The following LRR1 variants were observed in gnomAD, a reference collection of about 807,000 sequenced individuals.
LRR1 encodes leucine rich repeat protein 1.
In LRR1, 29 loss-of-function variants were observed where a neutral mutation model predicts 31.6. That is an observed-to-expected ratio of 0.92 (90% CI 0.68 to 1.25). The LOEUF (loss-of-function observed/expected upper bound fraction) is 1.25, where lower values mean the gene tolerates loss of function less well. LRR1 is among the 50% of genes most tolerant of loss of function. LRR1 has a pLI of 0.00. For synonymous variants in LRR1, 179 were observed against 181.4 expected (o/e 0.99, Z 0.10); for missense variants, 485 against 487.2 (o/e 1.00, Z 0.04).
At chr14:49,604,774 AC>A (rs1344533465) in intron 2 of LRR1, among the ~76,000 whole-genome samples, 2 of 152,090 alleles carry the variant, frequency 1.3e-5, no homozygotes, top group African/African-American at 4.8e-5. Context: ...CCTTTCTCAA[AC>A]AAAAAAAATT....
intron 1 of LRR1, chr14:49,600,175 T>A: frequency 2.7e-6 from 4 of 1,477,104 alleles, no homozygotes; most frequent in Admixed American, 1.7e-5. Flanking sequence ...CTCCTAGGAC[T>A]CTATAACACC....
At chr14:49,614,118 A>G in intron 3 of LRR1, 138 bp from the exon 4 acceptor site, 1 of 838,762 alleles carries the variant, frequency 1.2e-6, no homozygotes. Flanking sequence ...AATATGTCAT[A>G]TATTGTTTTT....
chr14:49,613,890 T>G (rs1327623467), intron 3 of LRR1, among the ~76,000 whole-genome samples: 1 of 152,182 alleles, frequency 6.6e-6, no homozygotes, highest in Non-Finnish European at 1.5e-5. Context: ...TTAAGCAAGG[T>G]AAGGTTAGCC....
chr14:49,614,535 G>T lies in LRR1; in HGVS notation c.*39G>T, dbSNP rs368808993. The T allele has an allele frequency of 2.5e-6, 4 of 1,611,888 alleles. No homozygotes were observed. The Admixed American group carries it at 5.0e-5, about 20-fold the overall frequency. On this transcript the variant is annotated 3_prime_UTR_variant, in exon 4 of 4. Transcript: ENST00000298288. The stretch of plus-strand genomic sequence containing the variant: ...AAAAAGAAATTTCAATAACAGATCA[G>T]TTTGGGGTGCATGTATGATTTTGCA...
rs758331514 is a variant in LRR1, at chr14:49,602,429, T to TC, written c.244dup (p.Arg82ProfsTer13). 2 of 1,613,858 alleles carry TC rather than the reference T, an allele frequency of 1.2e-6. No homozygotes were observed. Among genetic ancestry groups the TC allele is most frequent in the African/African-American group, 2.7e-5 (2 of 74,882 alleles). On this transcript the variant is annotated frameshift_variant, in exon 2 of 4. Transcript: ENST00000298288. LOFTEE classifies it high-confidence loss of function. Reference sequence around the variant, plus strand: ...TTGTAGATGAGGGGAAAGCCACTGTTCGGTTAAAGGAGCCTCCTGTGGATA... The same window carrying TC: ...TTGTAGATGAGGGGAAAGCCACTGTTCCGGTTAAAGGAGCCTCCTGTGGATA...
intron 3 of LRR1, among the ~76,000 whole-genome samples, chr14:49,609,226 T>G (rs1386099820): frequency 2.5e-5 from 3 of 117,878 alleles, no homozygotes; most frequent in Non-Finnish European, 1.8e-5. Flanking sequence ...CCTTTTTTTT[T>G]TTTTTTTTTT....
chr14:49,613,633 C>T (rs1223208405), intron 3 of LRR1, among the ~76,000 whole-genome samples: 2 of 151,646 alleles, frequency 1.3e-5, no homozygotes, highest in African/African-American at 4.8e-5. Flanking sequence ...ATGGTGAAAC[C>T]TCGTCTCTAC....
intron 1 of LRR1, chr14:49,600,023 C>T: frequency 6.2e-7 from 1 of 1,609,202 alleles, no homozygotes; most frequent in Non-Finnish European, 8.5e-7. Flanking sequence ...CGCTGATGCT[C>T]AAGTGCGTGG....
chr14:49,602,017 G>A (rs1415667642), intron 1 of LRR1, among the ~76,000 whole-genome samples: 2 of 151,520 alleles, frequency 1.3e-5, no homozygotes, highest in Non-Finnish European at 1.5e-5. Context: ...CCTGTAATCC[G>A]AGCTACTCAG....
Position 49,614,423 on chromosome 14 carries a change from G to T in LRR1, c.1172G>T (p.Gly391Val). 6.2e-7 allele frequency: 1 copy of T among 1,613,922 alleles called. No homozygotes were observed. The highest frequency in any genetic ancestry group is 2.2e-5 in the East Asian group (1 of 44,834). ...GTGGTCTTAGTAGATAATTTGGGTG[G>T]TACTGAAGCACCTATTATCTCTTAT... Reference protein sequence around the residue: ...HTVVLVDNLGGTEAPIISYFC... With the variant: ...HTVVLVDNLGVTEAPIISYFC... Residue 391 changes from glycine (G) to valine (V), a missense_variant, in exon 4 of 4, where the codon GGT (glycine) becomes GTT (valine). By Grantham distance (109) the Gly-to-Val change is moderately radical. This residue lies in a region of LRR1 where 210 missense variants were observed against 200.4 expected (regional missense o/e 1.05). Coordinates refer to ENST00000298288, the MANE Select transcript of LRR1 (RefSeq NM_152329.4).
chr14:49,600,229 C>T, intron 1 of LRR1: 1 of 1,486,874 alleles, frequency 6.7e-7, no homozygotes, highest in South Asian at 1.1e-5. Flanking sequence ...TTATCTTACC[C>T]AATGACCGAC....
At chr14:49,599,903 G>C in intron 1 of LRR1, 2 of 902,578 alleles carry the variant, frequency 2.2e-6, no homozygotes, top group Non-Finnish European at 2.9e-6. Flanking sequence ...CGGCGACGGC[G>C]GCGGACCCTC....
intron 1 of LRR1, chr14:49,600,890 A>G (rs1323002976): frequency 7.5e-7 from 1 of 1,331,754 alleles, no homozygotes; most frequent in Non-Finnish European, 1.0e-6. Flanking sequence ...CTACAATCAC[A>G]TCATGTTGTA....
intron 3 of LRR1, among the ~76,000 whole-genome samples, chr14:49,613,065 C>T (rs553655429): frequency 5.3e-5 from 8 of 152,134 alleles, no homozygotes; most frequent in Non-Finnish European, 7.4e-5. Context: ...CCAGGCCAGG[C>T]GTGGTGGCTC....
At chr14:49,608,202 A>G in intron 3 of LRR1, 81 bp downstream of exon 3, 4 of 1,379,470 alleles carry the variant, frequency 2.9e-6, no homozygotes, top group Middle Eastern at 5.2e-4. Context: ...ATAAAGTCTA[A>G]CATTGCTTAC....
intron 3 of LRR1, 105 bp from the exon 4 acceptor site, chr14:49,614,151 T>C: frequency 8.9e-7 from 1 of 1,125,402 alleles, no homozygotes; most frequent in East Asian, 2.6e-5. Flanking sequence ...AATATACTAA[T>C]CGCTTAATAA....
intron 2 of LRR1, 59 bp downstream of exon 2, chr14:49,602,527 AAC>A: frequency 1.4e-6 from 2 of 1,424,226 alleles, no homozygotes; most frequent in Middle Eastern, 1.8e-4. Flanking sequence ...ATTTTTTAGA[AAC>A]AGAGTCTTGT....
In LRR1 at chr14:49,614,338, T is replaced by A; in HGVS notation, c.1087T>A (p.Cys363Ser). 6.2e-7 allele frequency: 1 copy of A among 1,614,022 alleles called. No homozygotes were observed. The highest frequency in any genetic ancestry group is 1.1e-5 in the South Asian group (1 of 91,086). Residue 363 changes from cysteine (C) to serine (S), a missense_variant, in exon 4 of 4, where the codon TGT (cysteine) becomes AGT (serine). By Grantham distance (112) the Cys-to-Ser change is moderately radical. This residue lies in a region of LRR1 where 210 missense variants were observed against 200.4 expected (regional missense o/e 1.05). Transcript: ENST00000298288. ...TAKICVCGRFCLNSFIQGTTT... is the reference protein window; with the variant it reads ...TAKICVCGRFSLNSFIQGTTT... The stretch of plus-strand genomic sequence containing the variant: ...AAAAATTTGTGTTTGTGGAAGATTC[T>A]GTCTGAACTCTTTCATTCAAGGAAC...
Position 49,602,401 on chromosome 14 carries a change from A to C in LRR1, c.215A>C (p.Lys72Thr), listed in dbSNP as rs1882096325. 1 of 1,613,784 alleles carries C rather than the reference A, an allele frequency of 6.2e-7. No individual in the cohort carries two copies. The highest frequency in any genetic ancestry group is 1.7e-5 in the Admixed American group (1 of 59,954). ...LRENIEQFFTKFVDEGKATVR... is the reference protein window; with the variant it reads ...LRENIEQFFTTFVDEGKATVR... ...GAGAACATTGAGCAATTCTTCACCA[A>C]ATTTGTAGATGAGGGGAAAGCCACT... Residue 72 changes from lysine (K) to threonine (T), a missense_variant, in exon 2 of 4, where the codon AAA (lysine) becomes ACA (threonine). By Grantham distance (78) the Lys-to-Thr change is moderately conservative (BLOSUM62 -1). Transcript: ENST00000298288.
Sources: gnomAD v4.1 joint callset for allele counts (sites outside exome capture counted in the v4.1 genomes callset) on GRCh38, gnomAD v4.1.1 for gene constraint, gnomAD v4.1.1 regional missense constraint, MANE v1.5 for transcripts, NCBI Gene and HGNC (gene_info 2026-07-23, HGNC 2026-07-21) for gene names.